Variants in DEPDC5 observed in about 807,000 individuals in gnomAD.
DEPDC5 encodes the protein DEP domain containing 5, GATOR1 subcomplex subunit.
Under a neutral mutation model 217.3 loss-of-function variants are expected in DEPDC5, and 73 were observed. The ratio of observed to expected loss-of-function variants is 0.34; its 90% CI spans 0.28 to 0.41. DEPDC5 has a LOEUF of 0.41. Among genes scored for constraint, DEPDC5 ranks in the 10% least tolerant of loss-of-function variants. The pLI is 1.00. For missense variants in DEPDC5, 1,675 were observed against 2,070.1 expected, an observed-to-expected ratio of 0.81 and a Z score of 3.70; for synonymous variants, 733 against 756.7, an observed-to-expected ratio of 0.97 and a Z score of 0.51.
chr22:31,827,962 G>A (rs1036821252), intron 24 of DEPDC5, among the ~76,000 whole-genome samples: 1 of 152,024 alleles, frequency 6.6e-6, no homozygotes, highest in Non-Finnish European at 1.5e-5. Context: ...CCCACAGCTC[G>A]CTCTCTCGCT....
intron 7 of DEPDC5, among the ~76,000 whole-genome samples, chr22:31,775,778 A>G (rs1424465666): frequency 1.3e-5 from 2 of 152,070 alleles, no homozygotes; most frequent in African/African-American, 4.8e-5. Context: ...ACAGTGGCTC[A>G]CACCTGTAAA....
At chr22:31,815,931 A>G in intron 21 of DEPDC5, 1 of 1,008,496 alleles carries the variant, frequency 9.9e-7, no homozygotes, top group Non-Finnish European at 1.2e-6. Context: ...GCCTAGGGTC[A>G]AAAGGGTTTA....
chr22:31,785,178 G>T (rs2084853456), intron 10 of DEPDC5: 1 of 207,776 alleles, frequency 4.8e-6, no homozygotes. Flanking sequence ...GACCACCTAG[G>T]CAAGCAAAAG....
Position 31,897,609 on chromosome 22 carries a change from A to G in DEPDC5, c.4331A>G (p.Asn1444Ser), listed in dbSNP as rs758019161. 14 of 1,613,984 alleles carry G rather than the reference A, an allele frequency of 8.7e-6. No homozygotes were observed. In the South Asian group the frequency reaches 1.4e-4, roughly 16 times the overall value. The change falls in exon 40 of 43, where the codon AAC (asparagine) becomes AGC (serine). Residue 1444 changes from asparagine to serine, a missense_variant. Coordinates refer to ENST00000651528, the MANE Select transcript of DEPDC5 (RefSeq NM_001242896.3). ...CGTGCCCAGCTCTTCATCCCACTCA[A>G]CATCAGCTGCTTGCTCAAGGAGGGC... Reference protein sequence around the residue: ...PLRAQLFIPLNISCLLKEGSE... With the variant: ...PLRAQLFIPLSISCLLKEGSE...
intron 31 of DEPDC5, among the ~76,000 whole-genome samples, 177 bp downstream of exon 31, chr22:31,847,144 G>A (rs1319175035): frequency 6.6e-6 from 1 of 152,176 alleles, no homozygotes; most frequent in East Asian, 1.9e-4. Flanking sequence ...CATGAAATAG[G>A]CCAGAAGTTA....
chr22:31,764,783 A>G (rs2082675671), intron 4 of DEPDC5, among the ~76,000 whole-genome samples, 192 bp from the exon 5 acceptor site: 1 of 152,044 alleles, frequency 6.6e-6, no homozygotes, highest in Non-Finnish European at 1.5e-5. Flanking sequence ...TTGATTGCTT[A>G]GGCTCTGGTC....
At chr22:31,840,944 A>G (rs1253319564) in intron 27 of DEPDC5, among the ~76,000 whole-genome samples, 1 of 152,238 alleles carries the variant, frequency 6.6e-6, no homozygotes, top group African/African-American at 2.4e-5. Flanking sequence ...ATTGTGAAGA[A>G]TAAATACCAT....
chr22:31,854,932 T>C (rs2092211466), intron 31 of DEPDC5, among the ~76,000 whole-genome samples: 1 of 151,624 alleles, frequency 6.6e-6, no homozygotes, highest in Admixed American at 6.6e-5. Context: ...TGTATGACAA[T>C]GTAAGGACTT....
At chr22:31,859,085 T>TG (rs1263936477) in intron 32 of DEPDC5, 3 of 127,812 alleles carry the variant, frequency 2.3e-5, no homozygotes, top group Non-Finnish European at 3.4e-5. Flanking sequence ...CTTTGTTTTT[T>TG]TTTTTTTTTT....
intron 31 of DEPDC5, among the ~76,000 whole-genome samples, chr22:31,847,754 C>T (rs1219007129): frequency 6.6e-6 from 1 of 152,188 alleles, no homozygotes; most frequent in Non-Finnish European, 1.5e-5. Flanking sequence ...CATATCATTT[C>T]ACCCCTGGCC....
At chr22:31,801,004 A>G (rs1263338154) in intron 14 of DEPDC5, among the ~76,000 whole-genome samples, 1 of 151,126 alleles carries the variant, frequency 6.6e-6, no homozygotes, top group African/African-American at 2.4e-5. Flanking sequence ...TTTTTTTTAA[A>G]TAAATAGGCT....
chr22:31,832,021 A>C (rs1355887438), intron 24 of DEPDC5, among the ~76,000 whole-genome samples: 1 of 152,222 alleles, frequency 6.6e-6, no homozygotes, highest in Admixed American at 6.5e-5. Flanking sequence ...GGAATCATAC[A>C]GTATGTAATT....
intron 35 of DEPDC5, 105 bp from the exon 36 acceptor site, chr22:31,874,168 G>C: frequency 6.8e-7 from 1 of 1,464,844 alleles, no homozygotes; most frequent in South Asian, 1.2e-5. Context: ...TTGCTTTATG[G>C]TATTAAATGC....
In DEPDC5 at chr22:31,870,747, G is replaced by A. The variant is rs1402974848; in HGVS notation, c.3485+3G>A. 1 of 1,552,008 alleles carries A rather than the reference G, an allele frequency of 6.4e-7. No homozygotes were observed. Reference sequence around the variant, plus strand: ...TCCACAAACTCCAGTGACAGCAGGTGAGATTCAGAGTGGCCAAACTCATGT... The same window carrying A: ...TCCACAAACTCCAGTGACAGCAGGTAAGATTCAGAGTGGCCAAACTCATGT... On this transcript the variant is annotated splice_donor_region_variant and intron_variant, in intron 34 of 42. Transcript: ENST00000651528.
intron 40 of DEPDC5, among the ~76,000 whole-genome samples, chr22:31,899,665 T>TA (rs922258339): frequency 6.6e-6 from 1 of 152,226 alleles, no homozygotes; most frequent in Non-Finnish European, 1.5e-5. Context: ...GTTCTGGGAT[T>TA]ACAGGCATGA....
intron 39 of DEPDC5, among the ~76,000 whole-genome samples, chr22:31,897,114 CA>C (rs370146591): frequency 3.6e-3 from 497 of 139,292 alleles, no homozygotes; most frequent in African/African-American, 9.0e-3. Context: ...AAGACTGTCT[CA>C]AAAAAAAAAA....
At chr22:31,846,320 A>G (rs1236571400) in intron 30 of DEPDC5, among the ~76,000 whole-genome samples, 1 of 152,140 alleles carries the variant, frequency 6.6e-6, no homozygotes, top group Non-Finnish European at 1.5e-5. Flanking sequence ...ACTCTTTTTA[A>G]TCACCAGGGA....
chr22:31,790,677 G>A (rs1277303621), intron 10 of DEPDC5, among the ~76,000 whole-genome samples: 4 of 151,712 alleles, frequency 2.6e-5, no homozygotes, highest in African/African-American at 9.7e-5. Context: ...CCAGCACTTT[G>A]CCAAGGCAAG....
chr22:31,791,955 T>TAA, intron 10 of DEPDC5, 78 bp from the exon 11 acceptor site: 1 of 380,936 alleles, frequency 2.6e-6, no homozygotes, highest in Non-Finnish European at 4.6e-6. Context: ...AAAAAAAGAA[T>TAA]ATTATATGCA....
Sources: gnomAD v4.1 joint callset for allele counts (sites outside exome capture counted in the v4.1 genomes callset) on GRCh38, gnomAD v4.1.1 for gene constraint, MANE v1.5 for transcripts, NCBI Gene and HGNC (gene_info 2026-07-23, HGNC 2026-07-21) for gene names.